The following DROSHA variants were observed in gnomAD, a reference collection of about 807,000 sequenced individuals.
DROSHA encodes ribonuclease 3.
DROSHA carries 56 observed loss-of-function variants against 181.9 expected under a neutral mutation model. That is an observed-to-expected ratio of 0.31 (90% confidence interval 0.25 to 0.38). The LOEUF (loss-of-function observed/expected upper bound fraction) is 0.38, where lower values mean the gene tolerates loss of function less well. DROSHA is among the 10% of genes least tolerant of loss of function. The probability of loss-of-function intolerance (pLI) is 1.00; values close to 1 mark genes in which losing one functional copy is unlikely to be tolerated. For missense variants in DROSHA, 1,218 were observed against 1,743.5 expected (o/e 0.70, Z 5.37); for synonymous variants, 524 against 591.2 (o/e 0.89, Z 1.65).
At chr5:31,497,400 C>G (rs543451280) in intron 11 of DROSHA, among the ~76,000 whole-genome samples, 1 of 152,316 alleles carries the variant, frequency 6.6e-6, no homozygotes, top group African/African-American at 2.4e-5. Flanking sequence ...GCTGGAGACA[C>G]GCCAGCCGGC....
chr5:31,401,316 AT>A lies in DROSHA; in HGVS notation c.*115del. 1 of 1,378,346 alleles carries A rather than the reference AT, an allele frequency of 7.3e-7. No homozygotes were observed. Among genetic ancestry groups the A allele is most frequent in the Non-Finnish European group, 1.0e-6 (1 of 978,002 alleles). 85.4% of individuals were successfully genotyped at this position (1,378,346 alleles called of 1,614,324 possible). ...AACAACAATAGCGATTTGACTCTGTATTTTATTTCAATGAGCACACTTCATT... is the reference window on the plus strand; with the variant it reads ...AACAACAATAGCGATTTGACTCTGTATTTATTTCAATGAGCACACTTCATT... On this transcript the variant is annotated 3_prime_UTR_variant, in exon 36 of 36. Transcript: ENST00000344624.
chr5:31,525,266 G>T (rs548442141), intron 5 of DROSHA, among the ~76,000 whole-genome samples: 1 of 139,722 alleles, frequency 7.2e-6, no homozygotes, highest in South Asian at 2.3e-4. Flanking sequence ...AGAGGCAGAG[G>T]TTGTAGTGAG....
intron 35 of DROSHA, among the ~76,000 whole-genome samples, chr5:31,403,018 TGCCTCGGCCTCCC>T (rs1740216094): frequency 6.6e-6 from 1 of 152,172 alleles, no homozygotes; most frequent in South Asian, 2.1e-4. Context: ...CCTGGCCTCC[TGCCTCGGCCTCCC>T]AAAGTGCTGG....
chr5:31,515,599 A>G lies in DROSHA; in HGVS notation c.948-35T>C, dbSNP rs146934541. 293 of 1,550,338 alleles carry G rather than the reference A, an allele frequency of 1.9e-4. No homozygotes were observed. In the East Asian group the frequency reaches 6.8e-3, roughly 36 times the overall value. On this transcript the variant is annotated intron_variant, in intron 6 of 35. Transcript: ENST00000344624. ...AAAGATATTTGCAAAATGTTTGGAA[A>G]TGTCCACATATGGACAATTTCAGCA...
chr5:31,433,998 T>C (rs1157002977), intron 25 of DROSHA, among the ~76,000 whole-genome samples: 1 of 152,228 alleles, frequency 6.6e-6, no homozygotes, highest in Non-Finnish European at 1.5e-5. Flanking sequence ...TCCAAATGGT[T>C]AAGGACTACT....
chr5:31,451,484 A>T, intron 21 of DROSHA, 49 bp downstream of exon 21: 1 of 1,454,680 alleles, frequency 6.9e-7, no homozygotes, highest in Non-Finnish European at 9.5e-7. Flanking sequence ...TGCAAGATGA[A>T]TTACTCCTAT....
chr5:31,498,393 T>C (rs1367150849), intron 11 of DROSHA, among the ~76,000 whole-genome samples: 1 of 151,774 alleles, frequency 6.6e-6, no homozygotes, highest in African/African-American at 2.4e-5. Context: ...GTTATACTTA[T>C]GAATAAACTG....
chr5:31,427,570 G>T (rs550891125), intron 27 of DROSHA, among the ~76,000 whole-genome samples: 1 of 152,094 alleles, frequency 6.6e-6, no homozygotes, highest in African/African-American at 2.4e-5. Context: ...ATACTTAATC[G>T]CCAAGCTGCC....
intron 24 of DROSHA, among the ~76,000 whole-genome samples, chr5:31,436,692 G>A (rs577547347): frequency 6.0e-5 from 9 of 150,610 alleles, no homozygotes; most frequent in Non-Finnish European, 1.0e-4. Flanking sequence ...CGCGCCTAGC[G>A]TCCTACCCGT....
At chr5:31,435,350 G>A (rs1744663651) in intron 25 of DROSHA, among the ~76,000 whole-genome samples, 1 of 152,096 alleles carries the variant, frequency 6.6e-6, no homozygotes, top group Non-Finnish European at 1.5e-5. Flanking sequence ...GATAAAAAAT[G>A]GTCTGTAATA....
chr5:31,461,283 A>C (rs1194751541), intron 20 of DROSHA, among the ~76,000 whole-genome samples: 1 of 152,228 alleles, frequency 6.6e-6, no homozygotes, highest in Non-Finnish European at 1.5e-5. Context: ...TCGATAATTT[A>C]AGGGCAACTG....
intron 23 of DROSHA, among the ~76,000 whole-genome samples, chr5:31,445,331 C>G (rs1013478818): frequency 6.6e-6 from 1 of 152,174 alleles, no homozygotes; most frequent in East Asian, 1.9e-4. Context: ...CCATTCCATT[C>G]CCAGATTCTT....
At chr5:31,510,102 T>C (rs999828701) in intron 9 of DROSHA, among the ~76,000 whole-genome samples, 1 of 146,916 alleles carries the variant, frequency 6.8e-6, no homozygotes, top group Non-Finnish European at 1.5e-5. Flanking sequence ...CATAGTGAGA[T>C]TCCATCTCCA....
chr5:31,497,442 C>A (rs937872583), intron 11 of DROSHA, among the ~76,000 whole-genome samples: 3 of 152,236 alleles, frequency 2.0e-5, no homozygotes, highest in African/African-American at 7.2e-5. Flanking sequence ...GCATCCCTGA[C>A]ATCCAGACAG....
At chr5:31,523,490 G>A (rs1382882) in intron 5 of DROSHA, among the ~76,000 whole-genome samples, 67,344 of 151,984 alleles carry the variant, frequency 0.44, 15,213 homozygotes, top group South Asian at 0.5. Flanking sequence ...ATTTACAGCA[G>A]AGCCCTGACA....
intron 20 of DROSHA, among the ~76,000 whole-genome samples, chr5:31,452,916 A>T: frequency 6.6e-6 from 1 of 152,352 alleles, no homozygotes; most frequent in East Asian, 1.9e-4. Context: ...CTTTGCTTTT[A>T]TAAGTGCTGT....
intron 16 of DROSHA, among the ~76,000 whole-genome samples, chr5:31,473,166 A>G (rs933157381): frequency 6.6e-6 from 1 of 152,214 alleles, no homozygotes; most frequent in Non-Finnish European, 1.5e-5. Flanking sequence ...AGGGAGAAAG[A>G]AAGGGACAAA....
At chr5:31,498,565 G>A (rs931258069) in intron 11 of DROSHA, among the ~76,000 whole-genome samples, 13 of 152,082 alleles carry the variant, frequency 8.5e-5, no homozygotes, top group Non-Finnish European at 1.5e-4. Context: ...ATCTTAAGAC[G>A]GGAAAAGGCT....
chr5:31,437,349 CCCA>C, intron 23 of DROSHA, 51 bp from the exon 24 acceptor site: 6 of 1,180,850 alleles, frequency 5.1e-6, no homozygotes. Flanking sequence ...AACACTCCCC[CCCA>C]CCCACCCACC....
Sources: allele counts gnomAD v4.1 joint callset (sites outside exome capture counted in the v4.1 genomes callset), GRCh38; gene constraint gnomAD v4.1.1; transcripts MANE v1.5; gene names NCBI Gene and HGNC (gene_info 2026-07-23, HGNC 2026-07-21).